RGS12: variants seen among roughly 807,000 people sequenced by gnomAD.
RGS12 encodes the protein regulator of G-protein signaling 12.
A neutral mutation model predicts 120.1 loss-of-function variants in RGS12; 66 were observed. The observed-to-expected ratio is 0.55, with a 90% confidence interval of 0.45 to 0.67. The LOEUF is 0.67. Ranked by LOEUF, RGS12 falls within the 30% of genes least tolerant of loss-of-function variation. The probability of loss-of-function intolerance (pLI) is 0.00; values close to 1 mark genes in which losing one functional copy is unlikely to be tolerated. For missense variants in RGS12, 1,859 were observed against 1,957.7 expected, an observed-to-expected ratio of 0.95 and a Z score of 0.95; for synonymous variants, 827 against 804.7, an observed-to-expected ratio of 1.03 and a Z score of -0.47.
chr4:3,320,160 G>C (rs1259647119), intron 2 of RGS12, among the ~76,000 whole-genome samples: 2 of 152,228 alleles, frequency 1.3e-5, no homozygotes, highest in African/African-American at 4.8e-5. Flanking sequence ...CTGGACAGTG[G>C]GGAGTATGAT....
chr4:3,403,894 C>T (rs1374765116), intron 4 of RGS12, among the ~76,000 whole-genome samples: 3 of 152,198 alleles, frequency 2.0e-5, no homozygotes, highest in East Asian at 1.9e-4. Flanking sequence ...GGGCTATTGA[C>T]GTGGGGTGAT....
intron 17 of RGS12, among the ~76,000 whole-genome samples, chr4:3,434,230 G>A (rs1001942936): frequency 2.0e-5 from 3 of 152,136 alleles, no homozygotes; most frequent in Admixed American, 1.3e-4. Context: ...AATGCCAGAC[G>A]CTTATAAAAC....
At chr4:3,415,904 G>A (rs1357374259) in intron 6 of RGS12, 74 bp from the exon 7 acceptor site, 6 of 1,498,956 alleles carry the variant, frequency 4.0e-6, no homozygotes, top group Non-Finnish European at 5.4e-6. Context: ...GCCCGGGGGT[G>A]TCGGGCCTTG....
At chr4:3,286,889 CG>C in the RGS12 span, among the ~76,000 whole-genome samples, 1 of 152,210 alleles carries the variant, frequency 6.6e-6, no homozygotes, top group South Asian at 2.1e-4. Context: ...CTGCGGGAGC[CG>C]ACGCTGCTCC....
In RGS12 at chr4:3,330,264, C is replaced by T. The variant is rs982826525; in HGVS notation, c.1881+12213C>T. 2.6e-5 allele frequency among the ~76,000 whole-genome samples: 4 copies of T among 152,210 alleles called. No homozygotes were observed. The South Asian group carries it at 8.3e-4, about 31-fold the overall frequency. ...TTTATTTACTGTGAGCAATCCTAGACACACCAAGTACATCCCGCTGAAGGC... is the reference window on the plus strand; with the variant it reads ...TTTATTTACTGTGAGCAATCCTAGATACACCAAGTACATCCCGCTGAAGGC... On this transcript the variant is annotated intron_variant, in intron 2 of 17. Transcript: ENST00000336727.
intron 15 of RGS12, 149 bp downstream of exon 15, chr4:3,428,318 G>A (rs775283449): frequency 8.1e-5 from 69 of 848,692 alleles, no homozygotes; most frequent in Non-Finnish European, 1.2e-4. Flanking sequence ...CGTCCCTGCC[G>A]ATGCCCAGCT....
intron 4 of RGS12, among the ~76,000 whole-genome samples, chr4:3,397,583 G>A (rs1720166403): frequency 6.6e-6 from 1 of 152,190 alleles, no homozygotes; most frequent in South Asian, 2.1e-4. Flanking sequence ...CGGAGGATGA[G>A]GGTGTTTGCA....
chr4:3,377,339 G>A (rs1717810021), intron 3 of RGS12, among the ~76,000 whole-genome samples: 1 of 152,050 alleles, frequency 6.6e-6, no homozygotes, highest in African/African-American at 2.4e-5. Flanking sequence ...CCTAAATTCT[G>A]GGATTACAGG....
intron 16 of RGS12, among the ~76,000 whole-genome samples, chr4:3,429,911 G>C (rs372507250): frequency 6.6e-6 from 1 of 152,128 alleles, no homozygotes; most frequent in Admixed American, 6.5e-5. Context: ...CAGACCACCC[G>C]TCTCAGGGCC....
At position 3,428,089 on chromosome 4, in the gene RGS12, G is replaced by A. The variant is rs1271459846; in HGVS notation, c.3332-1G>A. 2 of 1,612,924 alleles carry A rather than the reference G, an allele frequency of 1.2e-6. No individual in the cohort carries two copies. Among genetic ancestry groups the A allele is most frequent in the Admixed American group, 1.7e-5 (1 of 60,028 alleles). ...AAGTCATAAAGCTTTCTTATGTTTA[G>A]CATCCGCAGATAAACAGAAAGGTGT... On this transcript the variant is annotated splice_acceptor_variant, in intron 14 of 17. Transcript: ENST00000336727. LOFTEE classifies it high-confidence loss of function.
chr4:3,412,265 G>A (rs1721816164), intron 4 of RGS12, among the ~76,000 whole-genome samples: 1 of 152,208 alleles, frequency 6.6e-6, no homozygotes, highest in Non-Finnish European at 1.5e-5. Context: ...TGGTCTCCTG[G>A]GCTCTAGGGC....
intron 4 of RGS12, among the ~76,000 whole-genome samples, chr4:3,393,099 CCT>C (rs935346328): frequency 2.0e-5 from 3 of 152,206 alleles, no homozygotes; most frequent in African/African-American, 7.2e-5. Context: ...TGACTTTTCT[CCT>C]GGTTATGGGT....
At chr4:3,349,161 G>A (rs1176223814) in intron 3 of RGS12, among the ~76,000 whole-genome samples, 1 of 152,028 alleles carries the variant, frequency 6.6e-6, no homozygotes, top group African/African-American at 2.4e-5. Flanking sequence ...ATTAAAGTTT[G>A]GTCTTTAGAA....
intron 3 of RGS12, among the ~76,000 whole-genome samples, chr4:3,362,777 G>A (rs1216454687): frequency 6.7e-6 from 1 of 149,576 alleles, no homozygotes; most frequent in Non-Finnish European, 1.5e-5. Context: ...GTGTGAGTTA[G>A]GGTGTGTGTG....
chr4:3,408,035 A>G (rs1169407386), intron 4 of RGS12, among the ~76,000 whole-genome samples: 1 of 152,180 alleles, frequency 6.6e-6, no homozygotes, highest in Non-Finnish European at 1.5e-5. Flanking sequence ...TGGTGTTGGG[A>G]TGTGGGCTGT....
intron 4 of RGS12, among the ~76,000 whole-genome samples, chr4:3,409,100 C>T (rs1721455970): frequency 6.6e-6 from 1 of 152,208 alleles, no homozygotes; most frequent in African/African-American, 2.4e-5. Flanking sequence ...AGGAGAGGGT[C>T]TGGCACCCAC....
Position 3,317,919 on chromosome 4 carries a change from C to T in RGS12, c.1749C>T (p.Arg583=), listed in dbSNP as rs1724904923. ...CTATGAGCAAGATCCCCGCAGACCG[C>T]TACAGGGTGGAGGGCAGCTTCGCGC... ...PPPMSKIPAD[R]YRVEGSFAQP... is the part of the protein sequence containing the mutation. Residue 583 remains arginine, a synonymous_variant, in exon 2 of 18, where the codon CGC becomes CGT. Transcript: ENST00000336727. 1 of 1,614,188 alleles carries T rather than the reference C, an allele frequency of 6.2e-7. No individual in the cohort carries two copies. The highest frequency in any genetic ancestry group is 1.1e-5 in the South Asian group (1 of 91,090).
chr4:3,348,812 A>C (rs1714082955), intron 3 of RGS12, among the ~76,000 whole-genome samples: 2 of 152,182 alleles, frequency 1.3e-5, no homozygotes, highest in Admixed American at 6.5e-5. Context: ...TCTCAAGGGG[A>C]GAGAGTGGAA....
rs558568378 is a variant in RGS12 at position 3,423,372 on chromosome 4, C to G, written c.3108-143C>G. 7 of 1,116,324 alleles carry G rather than the reference C, an allele frequency of 6.3e-6. No homozygotes were observed. In the East Asian group the frequency reaches 1.7e-4, roughly 27 times the overall value. The allele number at this position is 1,116,324 out of a possible 1,614,324, so 69.2% of individuals were successfully genotyped here. A position where few individuals can be genotyped will look rare whatever the true frequency, so the allele number is the denominator to read the frequency against. ...GACTTTTCCCACGTGGAGGAAGGCACGTTCTGATCAGCTGGGGCTGAACTG... is the reference window on the plus strand; with the variant it reads ...GACTTTTCCCACGTGGAGGAAGGCAGGTTCTGATCAGCTGGGGCTGAACTG... On this transcript the variant is annotated intron_variant, in intron 12 of 17. Transcript: ENST00000336727.
Sources: gnomAD v4.1 joint callset for allele counts (sites outside exome capture counted in the v4.1 genomes callset) on GRCh38, gnomAD v4.1.1 for gene constraint, MANE v1.5 for transcripts, NCBI Gene and HGNC (gene_info 2026-07-23, HGNC 2026-07-21) for gene names.